The following ROBO2 variants were observed in gnomAD, a reference collection of about 807,000 sequenced individuals.
The protein encoded by ROBO2 is roundabout homolog 2.
Under a neutral mutation model 160.8 loss-of-function variants are expected in ROBO2, and 53 were observed. The observed-to-expected ratio is 0.33, with a 90% confidence interval of 0.26 to 0.41. ROBO2 has a LOEUF of 0.41. ROBO2 is among the 10% of genes least tolerant of loss of function. The pLI, the probability that ROBO2 is intolerant of heterozygous loss-of-function variation, is 1.00. For synonymous variants in ROBO2, 664 were observed against 611.7 expected (o/e 1.09, Z -1.26); for missense variants, 1,577 against 1,722.4 (o/e 0.92, Z 1.49).
chr3:76,568,104 T>G (rs2108568190), intron 2 of ROBO2, among the ~76,000 whole-genome samples: 1 of 151,132 alleles, frequency 6.6e-6, no homozygotes, highest in South Asian at 2.1e-4. Context: ...CATAAGCCAC[T>G]GCACCCTGCT....
At chr3:77,449,733 A>T (rs1278974389) in intron 2 of ROBO2, among the ~76,000 whole-genome samples, 1 of 152,080 alleles carries the variant, frequency 6.6e-6, no homozygotes, top group African/African-American at 2.4e-5. Context: ...GTGCTTAGCT[A>T]GCAAAATCTG....
intron 2 of ROBO2, among the ~76,000 whole-genome samples, chr3:77,033,456 A>G (rs1378586217): frequency 6.6e-6 from 1 of 152,212 alleles, no homozygotes. Flanking sequence ...CAGAACTCCT[A>G]TAAATGTGCC....
chr3:76,396,851 A>G (rs1312817326), intron 2 of ROBO2, among the ~76,000 whole-genome samples: 1 of 152,200 alleles, frequency 6.6e-6, no homozygotes, highest in African/African-American at 2.4e-5. Flanking sequence ...AGAACATTCC[A>G]TGCTCATGGG....
intron 1 of ROBO2, among the ~76,000 whole-genome samples, chr3:75,932,388 G>A (rs1363895563): frequency 1.3e-5 from 2 of 152,134 alleles, no homozygotes; most frequent in East Asian, 1.9e-4. Flanking sequence ...CTGGGTTACT[G>A]TGAAATCTGT....
At chr3:77,358,134 A>C (rs536035966) in intron 2 of ROBO2, among the ~76,000 whole-genome samples, 1 of 152,324 alleles carries the variant, frequency 6.6e-6, no homozygotes, top group East Asian at 1.9e-4. Flanking sequence ...GCAAACTGTC[A>C]TAAATTGTCA....
At chr3:76,606,647 T>G (rs987359029) in intron 2 of ROBO2, among the ~76,000 whole-genome samples, 1 of 150,808 alleles carries the variant, frequency 6.6e-6, no homozygotes, top group African/African-American at 2.5e-5. Flanking sequence ...ATTCTGTTGG[T>G]TTTTTTTGTC....
chr3:77,476,207 A>AAC (rs1175439292), intron 2 of ROBO2, among the ~76,000 whole-genome samples: 1 of 152,156 alleles, frequency 6.6e-6, no homozygotes, highest in Non-Finnish European at 1.5e-5. Flanking sequence ...CAGACTTGGC[A>AAC]CAACAAAGAA....
intron 2 of ROBO2, among the ~76,000 whole-genome samples, chr3:75,971,272 A>G (rs1346844885): frequency 1.3e-5 from 2 of 151,540 alleles, no homozygotes; most frequent in African/African-American, 4.8e-5. Flanking sequence ...CATGTTATAT[A>G]TCAAAATATA....
At chr3:76,769,430 T>C (rs1228073113) in intron 2 of ROBO2, among the ~76,000 whole-genome samples, 1 of 151,346 alleles carries the variant, frequency 6.6e-6, no homozygotes. Flanking sequence ...GGTTAACTTA[T>C]CTTGGTCGGC....
At chr3:76,467,142 T>C (rs1368979658) in intron 2 of ROBO2, among the ~76,000 whole-genome samples, 1 of 152,120 alleles carries the variant, frequency 6.6e-6, no homozygotes, top group South Asian at 2.1e-4. Context: ...TTGTGTTAGA[T>C]GTCTAAATCC....
chr3:77,330,801 A>G (rs1387720539), intron 2 of ROBO2, among the ~76,000 whole-genome samples: 1 of 152,184 alleles, frequency 6.6e-6, no homozygotes, highest in East Asian at 1.9e-4. Context: ...GTTGAGGTAT[A>G]TTACTGAACA....
intron 2 of ROBO2, among the ~76,000 whole-genome samples, chr3:76,334,043 A>G (rs1054229721): frequency 1.3e-5 from 2 of 152,188 alleles, no homozygotes; most frequent in Non-Finnish European, 2.9e-5. Flanking sequence ...CCTAATGTAA[A>G]TGATGAGTTA....
At chr3:77,320,413 A>T (rs2064543171) in intron 2 of ROBO2, among the ~76,000 whole-genome samples, 1 of 152,148 alleles carries the variant, frequency 6.6e-6, no homozygotes, top group South Asian at 2.1e-4. Flanking sequence ...TAAAGGAATA[A>T]GATTGCACTT....
At chr3:76,266,377 C>A (rs995934469) in intron 2 of ROBO2, among the ~76,000 whole-genome samples, 2 of 152,112 alleles carry the variant, frequency 1.3e-5, no homozygotes, top group African/African-American at 4.8e-5. Context: ...TATTTTAGCA[C>A]AAAGCCACTT....
intron 2 of ROBO2, among the ~76,000 whole-genome samples, chr3:77,127,991 T>C (rs72891523): frequency 0.061 from 9,299 of 152,252 alleles, 944 homozygotes; most frequent in African/African-American, 0.21. Context: ...TCGCCTATAA[T>C]GTTAACCAGC....
intron 2 of ROBO2, among the ~76,000 whole-genome samples, chr3:76,492,771 T>C (rs1369264873): frequency 6.6e-6 from 1 of 152,128 alleles, no homozygotes; most frequent in African/African-American, 2.4e-5. Context: ...TTCTGACCAG[T>C]TATCCATGTT....
intron 2 of ROBO2, among the ~76,000 whole-genome samples, chr3:76,581,029 A>G (rs929129704): frequency 2.0e-5 from 3 of 152,196 alleles, no homozygotes; most frequent in Non-Finnish European, 4.4e-5. Context: ...TGATCAGATA[A>G]AGCTTTCAAA....
chr3:77,457,619 A>G (rs1310995835), intron 2 of ROBO2, among the ~76,000 whole-genome samples: 1 of 152,184 alleles, frequency 6.6e-6, no homozygotes, highest in African/African-American at 2.4e-5. Flanking sequence ...TTCTTTTGCT[A>G]CAAATCTCGA....
Position 76,825,902 on chromosome 3 carries a change from A to T in ROBO2, c.110-272112A>T, listed in dbSNP as rs749439184. Among the ~76,000 whole-genome samples, 61 of 152,234 alleles carry T rather than the reference A, an allele frequency of 4.0e-4. 1 individual carries two copies. The Middle Eastern group carries it at 0.01, about 25-fold the overall frequency. On this transcript the variant is annotated intron_variant, in intron 2 of 26. Coordinates refer to the ROBO2 transcript ENST00000487694. ...TACAAAAAAAGCATTTCTCTTGTGC[A>T]TACTGTTCTTTTGTTAATATTCATA...
Sources: allele counts gnomAD v4.1 joint callset (sites outside exome capture counted in the v4.1 genomes callset), GRCh38; gene constraint gnomAD v4.1.1; transcripts MANE v1.5; gene names NCBI Gene and HGNC (gene_info 2026-07-23, HGNC 2026-07-21).